STAT5A: variants seen among roughly 807,000 people sequenced by gnomAD.
STAT5A encodes signal transducer and activator of transcription 5A.
Under a neutral mutation model 100.2 loss-of-function variants are expected in STAT5A, and 26 were observed. The observed-to-expected ratio is 0.26, with a 90% CI of 0.19 to 0.36. STAT5A has a LOEUF of 0.36. STAT5A is among the 10% of genes least tolerant of loss of function. STAT5A has a pLI of 1.00. For missense variants in STAT5A, 634 were observed against 1,027.5 expected, an observed-to-expected ratio of 0.62 and a Z score of 5.24; for synonymous variants, 330 against 424.3, an observed-to-expected ratio of 0.78 and a Z score of 2.73.
intron 2 of STAT5A, 53 bp from the exon 3 acceptor site, chr17:42,289,813 T>A: frequency 6.8e-7 from 1 of 1,462,040 alleles, no homozygotes; most frequent in Non-Finnish European, 9.1e-7. Context: ...CTCCCTGACC[T>A]CCTTGCCCAA....
intron 8 of STAT5A, 55 bp from the exon 9 acceptor site, chr17:42,301,220 G>C: frequency 3.2e-6 from 5 of 1,585,288 alleles, no homozygotes; most frequent in African/African-American, 1.3e-5. Context: ...GGGACTGAGA[G>C]CCCTTTCCCC....
At chr17:42,295,562 C>A in intron 4 of STAT5A, 57 bp from the exon 5 acceptor site, 1 of 1,565,674 alleles carries the variant, frequency 6.4e-7, no homozygotes, top group Non-Finnish European at 8.7e-7. Context: ...TTCCTAATGC[C>A]TGTGGTCTTC....
rs1053402166 is a variant in STAT5A at position 42,308,764 on chromosome 17, G to C, written c.2063-283G>C. ...CCAGCTGCCCCAAATCCATTGGTTG[G>C]GTTTGCTTGTTGATTCTCATTCTTT... is the stretch of plus-strand genomic sequence containing the variant. On this transcript the variant is annotated intron_variant, in intron 16 of 18. Transcript: ENST00000590949. This position sits in a 1 kb window ranked among gnomAD's most constrained non-coding sequence, Gnocchi z 4.6. 3.7e-6 allele frequency: 2 copies of C among 533,442 alleles called. No homozygotes were observed. The highest frequency in any genetic ancestry group is 3.9e-5 in the African/African-American group (2 of 50,976). 33.0% of individuals were successfully genotyped at this position (533,442 alleles called of 1,614,324 possible). A position where few individuals can be genotyped will look rare whatever the true frequency, so the allele number is the denominator to read the frequency against.
At chr17:42,307,829 CG>C (rs1446431464) in intron 15 of STAT5A, 106 bp downstream of exon 15, 2 of 1,484,880 alleles carry the variant, frequency 1.3e-6, no homozygotes, top group East Asian at 4.6e-5. Context: ...AGGTACCCAG[CG>C]GGAAGCTTAG....
In STAT5A at chr17:42,311,697, G is replaced by A. The variant is rs560317850; in HGVS notation, c.*1028G>A. On this transcript the variant is annotated 3_prime_UTR_variant, in exon 19 of 19. Transcript: ENST00000590949. ...TTGACTCCGCTGGAGGTGGGGCCTG[G>A]AGCAGGCCTTGCGCTGTTGCGTAAC... The A allele has an allele frequency of 6.0e-4, 92 of 152,818 alleles. No individual in the cohort carries two copies. The highest frequency in any genetic ancestry group is 2.2e-3 in the African/African-American group (90 of 41,590). 9.5% of individuals were successfully genotyped at this position (152,818 alleles called of 1,614,324 possible).
chr17:42,309,590 C>T, intron 18 of STAT5A, 106 bp downstream of exon 18: 1 of 1,194,664 alleles, frequency 8.4e-7, no homozygotes, highest in African/African-American at 1.5e-5. Context: ...CTGGTTAGGC[C>T]CAAGTCCAGG....
Position 42,311,094 on chromosome 17 carries a change from G to C in STAT5A, c.*425G>C, listed in dbSNP as rs571349157. ...TGAGAAGCTTTGCCCTCCTAAGAGA[G>C]AGAGACAGAGAGACAGAGAGAGAGA... is the stretch of plus-strand genomic sequence containing the variant. On this transcript the variant is annotated 3_prime_UTR_variant, in exon 19 of 19. Transcript: ENST00000590949. 90 of 210,518 alleles carry C rather than the reference G, an allele frequency of 4.3e-4. No individual in the cohort carries two copies. Among genetic ancestry groups the C allele is most frequent in the African/African-American group, 1.8e-3 (83 of 44,906 alleles). The allele number at this position is 210,518 out of a possible 1,614,324, so 13.0% of individuals were successfully genotyped here.
chr17:42,297,645 G>T (rs180938378), intron 5 of STAT5A, among the ~76,000 whole-genome samples: 4,040 of 152,008 alleles, frequency 0.027, 62 homozygotes, highest in Middle Eastern at 0.051. Context: ...TGGGTCCCTT[G>T]CATAGGAAGG....
Position 42,311,087 on chromosome 17 carries a change from TAA to T in STAT5A, c.*419_*420del, listed in dbSNP as rs1273920511. 1.4e-5 allele frequency: 3 copies of T among 221,074 alleles called. No individual in the cohort carries two copies. The highest frequency in any genetic ancestry group is 2.8e-5 in the Non-Finnish European group (3 of 107,014). 13.7% of individuals were successfully genotyped at this position (221,074 alleles called of 1,614,324 possible). A position where few individuals can be genotyped will look rare whatever the true frequency, so the allele number is the denominator to read the frequency against. ...TCCGGAGTGAGAAGCTTTGCCCTCC[TAA>T]GAGAGAGAGACAGAGAGACAGAGAG... On this transcript the variant is annotated 3_prime_UTR_variant, in exon 19 of 19. Coordinates refer to ENST00000590949, the MANE Select transcript of STAT5A (RefSeq NM_001288718.2).
At chr17:42,290,962 A>T (rs369393604) in intron 3 of STAT5A, among the ~76,000 whole-genome samples, 1 of 152,196 alleles carries the variant, frequency 6.6e-6, no homozygotes, top group East Asian at 1.9e-4. Context: ...ATTCAAGAGC[A>T]TCACGTTTAT....
At chr17:42,295,512 T>C in intron 4 of STAT5A, 107 bp from the exon 5 acceptor site, 1 of 1,200,202 alleles carries the variant, frequency 8.3e-7, no homozygotes, top group Non-Finnish European at 1.2e-6. Context: ...CTTCTTACCC[T>C]AGTTTGGGGT....
rs1348479825 is a variant in STAT5A at position 42,289,957 on chromosome 17, C to T, written c.220C>T (p.His74Tyr). ...LVQELQKKAE[H>Y]QVGEDGFLLK... ...GCAGGAGCTGCAGAAGAAGGCGGAG[C>T]ACCAGGTGGGGGAAGATGGGTTTTT... The change falls in exon 3 of 19, where the codon CAC becomes TAC. Residue 74 changes from histidine to tyrosine, a missense_variant. Around this residue, in one of 5 missense-constraint regions of STAT5A, gnomAD observed 207 missense variants for 256.6 expected, o/e 0.81. Coordinates refer to ENST00000590949, the MANE Select transcript of STAT5A (RefSeq NM_001288718.2). 1 of 1,611,084 alleles carries T rather than the reference C, an allele frequency of 6.2e-7. No individual in the cohort carries two copies. Among genetic ancestry groups the T allele is most frequent in the South Asian group, 1.1e-5 (1 of 90,340 alleles).
chr17:42,296,521 C>T (rs2080919238), intron 5 of STAT5A, among the ~76,000 whole-genome samples: 1 of 152,162 alleles, frequency 6.6e-6, no homozygotes, highest in Non-Finnish European at 1.5e-5. Flanking sequence ...AATGTAACAC[C>T]TCATCTTAGT....
intron 13 of STAT5A, 107 bp downstream of exon 13, chr17:42,306,554 C>T: frequency 5.3e-6 from 8 of 1,506,158 alleles, no homozygotes; most frequent in East Asian, 2.5e-5. Context: ...TCTCCACCCC[C>T]AACCACTCTC....
At chr17:42,298,243 C>A (rs566410541) in intron 5 of STAT5A, among the ~76,000 whole-genome samples, 1 of 151,312 alleles carries the variant, frequency 6.6e-6, no homozygotes, top group Non-Finnish European at 1.5e-5. Flanking sequence ...CTCACTGCAA[C>A]CTTTAACCCC....
At chr17:42,309,563 G>A in intron 18 of STAT5A, 79 bp downstream of exon 18, 5 of 1,463,302 alleles carry the variant, frequency 3.4e-6, no homozygotes, top group South Asian at 2.5e-5. Flanking sequence ...GGGCTGGCGG[G>A]CAAAGGATCC....
rs759275556 is a variant in STAT5A, at chr17:42,309,091, G to A, written c.2107G>A (p.Val703Ile). The change falls in exon 17 of 19, where the codon GTC becomes ATC. Residue 703 changes from valine (V) to isoleucine (I), a missense_variant. Around this residue, in one of 5 missense-constraint regions of STAT5A, gnomAD observed 210 missense variants for 428.4 expected, o/e 0.49. Transcript: ENST00000590949. ...TGTGAAACCACAGATCAAGCAAGTGGTCCCTGAGTAAGTGTCCAGGTGGCT... is the reference window on the plus strand; with the variant it reads ...TGTGAAACCACAGATCAAGCAAGTGATCCCTGAGTAAGTGTCCAGGTGGCT... ...GYVKPQIKQV[V>I]PEFVNASADA... The A allele has an allele frequency of 2.2e-5, 36 of 1,614,134 alleles. No individual in the cohort carries two copies. In the African/African-American group the frequency reaches 4.3e-4, roughly 19 times the overall value.
chr17:42,289,088 G>C (rs189838232), intron 1 of STAT5A: 2 of 255,640 alleles, frequency 7.8e-6, no homozygotes, highest in East Asian at 7.2e-5. Context: ...GCCTCCCGCC[G>C]TCAAGTTTCT....
At chr17:42,297,008 G>A (rs2080924970) in intron 5 of STAT5A, among the ~76,000 whole-genome samples, 1 of 152,146 alleles carries the variant, frequency 6.6e-6, no homozygotes, top group Non-Finnish European at 1.5e-5. Flanking sequence ...TCATCTCACT[G>A]CGACCTCTGC....
Sources: gnomAD v4.1 joint callset for allele counts (sites outside exome capture counted in the v4.1 genomes callset) on GRCh38, gnomAD v4.1.1 for gene constraint, gnomAD v4.1.1 regional missense constraint, Gnocchi (gnomAD v3.1) non-coding constraint, MANE v1.5 for transcripts, NCBI Gene and HGNC (gene_info 2026-07-23, HGNC 2026-07-21) for gene names.